The following ARHGAP28 variants were observed in gnomAD, a reference collection of about 807,000 sequenced individuals.
ARHGAP28 encodes the protein Rho GTPase activating protein 28.
ARHGAP28 carries 56 observed loss-of-function variants against 90.7 expected under a neutral mutation model. That is an observed-to-expected ratio of 0.62 (90% CI 0.50 to 0.77). The LOEUF (loss-of-function observed/expected upper bound fraction) is 0.77, where lower values mean the gene tolerates loss of function less well. ARHGAP28 is among the 30% of genes least tolerant of loss of function. The pLI is 0.00. For synonymous variants in ARHGAP28, 308 were observed against 323.3 expected (o/e 0.95, Z 0.51); for missense variants, 869 against 900.9 (o/e 0.96, Z 0.45).
chr18:6,785,061 A>G (rs1674726944), intron 1 of ARHGAP28, among the ~76,000 whole-genome samples: 1 of 152,130 alleles, frequency 6.6e-6, no homozygotes, highest in African/African-American at 2.4e-5. Context: ...AGATTCCCTC[A>G]TAAGCTGTCT....
intron 1 of ARHGAP28, among the ~76,000 whole-genome samples, chr18:6,773,481 C>T (rs1285343815): frequency 1.3e-5 from 2 of 152,138 alleles, no homozygotes; most frequent in African/African-American, 4.8e-5. Flanking sequence ...CTCATAATAG[C>T]TTTGCAAAGT....
chr18:6,885,374 G>A (rs768588110), intron 11 of ARHGAP28, among the ~76,000 whole-genome samples: 51 of 152,272 alleles, frequency 3.3e-4, no homozygotes, highest in Middle Eastern at 3.4e-3. Flanking sequence ...GTGAACAAGC[G>A]CGTGTGTGTG....
In ARHGAP28 at chr18:6,788,716, C is replaced by T. The variant is rs376091619; in HGVS notation, c.123-36046C>T. 3.3e-3 allele frequency: 499 copies of T among 152,430 alleles called. 5 individuals are homozygous for T. The highest frequency in any genetic ancestry group is 8.5e-3 in the South Asian group (41 of 4,822). The allele number at this position is 152,430 out of a possible 1,614,324, so 9.4% of individuals were successfully genotyped here. ...TCCTGACCTCATGATCCACCTGCCT[C>T]GGCCTCACAAAGTGCTGGGATTACA... On this transcript the variant is annotated intron_variant, in intron 1 of 17. Coordinates refer to ENST00000383472, the MANE Select transcript of ARHGAP28 (RefSeq NM_001366230.1).
At chr18:6,837,558 C>T in intron 3 of ARHGAP28, 144 bp downstream of exon 3, 1 of 645,344 alleles carries the variant, frequency 1.5e-6, no homozygotes, top group Non-Finnish European at 2.7e-6. Flanking sequence ...GCAGACAGCA[C>T]AGTGCAAATT....
intron 1 of ARHGAP28, chr18:6,773,894 T>A (rs1055966829): frequency 2.0e-5 from 3 of 152,170 alleles, no homozygotes; most frequent in African/African-American, 7.2e-5. Context: ...CACTTTGCAG[T>A]CTTCCTTAGG....
chr18:6,853,920 G>C (rs2056931029), intron 4 of ARHGAP28, among the ~76,000 whole-genome samples: 1 of 152,274 alleles, frequency 6.6e-6, no homozygotes, highest in Admixed American at 6.5e-5. Flanking sequence ...GCTGTACTCT[G>C]ACCACCGTGG....
At chr18:6,909,969 C>T (rs565947447) in intron 17 of ARHGAP28, among the ~76,000 whole-genome samples, 9 of 152,156 alleles carry the variant, frequency 5.9e-5, no homozygotes, top group Non-Finnish European at 1.0e-4. Flanking sequence ...TCTTCACCCC[C>T]CTTTAAGTCT....
intron 1 of ARHGAP28, among the ~76,000 whole-genome samples, chr18:6,761,287 A>G (rs2056157838): frequency 6.6e-6 from 1 of 152,018 alleles, no homozygotes; most frequent in Admixed American, 6.5e-5. Context: ...TCATTAGGCA[A>G]TCCACTTATG....
intron 1 of ARHGAP28, among the ~76,000 whole-genome samples, chr18:6,804,036 C>T (rs756863504): frequency 6.6e-6 from 1 of 152,214 alleles, no homozygotes. Context: ...GCCTCGGCCT[C>T]CCAAAGTGCT....
At chr18:6,831,308 T>C (rs1050919564) in intron 2 of ARHGAP28, among the ~76,000 whole-genome samples, 1 of 152,168 alleles carries the variant, frequency 6.6e-6, no homozygotes, top group East Asian at 1.9e-4. Flanking sequence ...CTGTATATTC[T>C]TGATACAAGT....
At chr18:6,827,321 A>ACCT (rs2056674184) in intron 2 of ARHGAP28, among the ~76,000 whole-genome samples, 7 of 139,786 alleles carry the variant, frequency 5.0e-5, no homozygotes, top group East Asian at 2.3e-4. Flanking sequence ...GGGGGGCTGA[A>ACCT]CCCTCCACCT....
intron 1 of ARHGAP28, among the ~76,000 whole-genome samples, chr18:6,807,546 C>T (rs2056527559): frequency 6.6e-6 from 1 of 152,196 alleles, no homozygotes; most frequent in Admixed American, 6.5e-5. Flanking sequence ...CTTTTCCCCA[C>T]TCTAGAGGCA....
intron 1 of ARHGAP28, among the ~76,000 whole-genome samples, chr18:6,763,302 C>T (rs1289020400): frequency 2.0e-5 from 3 of 151,998 alleles, no homozygotes; most frequent in Non-Finnish European, 4.4e-5. Flanking sequence ...AGGCTGGTCT[C>T]GAACTCCTGA....
intron 3 of ARHGAP28, among the ~76,000 whole-genome samples, chr18:6,842,562 T>A (rs898213482): frequency 1.3e-5 from 2 of 152,216 alleles, no homozygotes; most frequent in African/African-American, 4.8e-5. Context: ...TCTGCTCCCT[T>A]CAGAGTCATG....
intron 14 of ARHGAP28, among the ~76,000 whole-genome samples, chr18:6,893,701 G>A (rs906856932): frequency 2.6e-5 from 4 of 151,724 alleles, no homozygotes; most frequent in African/African-American, 9.7e-5. Flanking sequence ...GACTCACGGT[G>A]TGTGTGTGTG....
chr18:6,819,379 T>G (rs2056612012), intron 1 of ARHGAP28, among the ~76,000 whole-genome samples: 1 of 152,146 alleles, frequency 6.6e-6, no homozygotes, highest in Admixed American at 6.5e-5. Context: ...TGGAGAGCTG[T>G]GGATACAAAG....
chr18:6,838,504 T>C (rs1489824476), intron 3 of ARHGAP28, among the ~76,000 whole-genome samples: 4 of 152,234 alleles, frequency 2.6e-5, no homozygotes, highest in Non-Finnish European at 4.4e-5. Context: ...AACAGTGTCC[T>C]AGAATAGCAC....
intron 1 of ARHGAP28, among the ~76,000 whole-genome samples, chr18:6,799,577 G>A (rs567658545): frequency 5.3e-5 from 8 of 152,126 alleles, no homozygotes; most frequent in African/African-American, 1.4e-4. Context: ...AAATAACGCC[G>A]CATATCTACA....
At chr18:6,759,266 A>T (rs937030736) in intron 1 of ARHGAP28, among the ~76,000 whole-genome samples, 3 of 144,828 alleles carry the variant, frequency 2.1e-5, no homozygotes, top group African/African-American at 7.5e-5. Flanking sequence ...TGGGGAAAAA[A>T]CTGGGCTTTT....
Sources: allele counts gnomAD v4.1 joint callset (sites outside exome capture counted in the v4.1 genomes callset), GRCh38; gene constraint gnomAD v4.1.1; transcripts MANE v1.5; gene names NCBI Gene and HGNC (gene_info 2026-07-23, HGNC 2026-07-21).